The following BANP variants were observed in gnomAD, a reference collection of about 807,000 sequenced individuals.
BANP encodes the protein BTG3 associated nuclear protein, also known as protein BANP.
BANP carries 11 observed loss-of-function variants against 68.1 expected under a neutral mutation model. The ratio of observed to expected loss-of-function variants is 0.16; its 90% CI spans 0.10 to 0.27. The LOEUF (loss-of-function observed/expected upper bound fraction) is 0.27, where lower values mean the gene tolerates loss of function less well. Among genes scored for constraint, BANP ranks in the 10% least tolerant of loss-of-function variants. The pLI, the probability that BANP is intolerant of heterozygous loss-of-function variation, is 1.00. For synonymous variants in BANP, 329 were observed against 303.2 expected, an observed-to-expected ratio of 1.09 and a Z score of -0.88; for missense variants, 504 against 722.7, an observed-to-expected ratio of 0.70 and a Z score of 3.47.
In BANP at chr16:88,036,531, G is replaced by A. The variant is rs192650163; in HGVS notation, c.1272+1137G>A. 1.3e-5 allele frequency among the ~76,000 whole-genome samples: 2 copies of A among 152,266 alleles called. No homozygotes were observed. Among genetic ancestry groups the A allele is most frequent in the African/African-American group, 2.4e-5 (1 of 41,550 alleles). ...CACGTGGAGCACCAGGGACTCGGGC[G>A]TGTCTGCTGGCAGTGGCTTTAATTT... On this transcript the variant is annotated intron_variant, in intron 10 of 13. Coordinates refer to ENST00000682872, the MANE Select transcript of BANP (RefSeq NM_001386991.1). This position sits in a 1 kb window ranked among gnomAD's most constrained non-coding sequence, Gnocchi z 4.2.
At chr16:87,965,022 G>A (rs559423586) in intron 1 of BANP, among the ~76,000 whole-genome samples, 134 of 152,282 alleles carry the variant, frequency 8.8e-4, no homozygotes, top group African/African-American at 3.1e-3. Context: ...GGTGATAGGC[G>A]CCATTGGCGT....
chr16:88,065,400 C>A, intron 12 of BANP, 68 bp downstream of exon 12: 1 of 689,780 alleles, frequency 1.4e-6, no homozygotes, highest in South Asian at 1.6e-5. Context: ...TTTTAAAGAC[C>A]CCCGCGATGA....
At chr16:88,047,649 G>C (rs572139339) in intron 11 of BANP, among the ~76,000 whole-genome samples, 1 of 152,302 alleles carries the variant, frequency 6.6e-6, no homozygotes, top group African/African-American at 2.4e-5. Flanking sequence ...GGAGTCTGAT[G>C]TTCTTAGTGG....
chr16:88,047,514 T>C (rs891744402), intron 11 of BANP, among the ~76,000 whole-genome samples: 11 of 152,148 alleles, frequency 7.2e-5, no homozygotes, highest in African/African-American at 2.4e-4. Flanking sequence ...TCAGCCCTCA[T>C]TGGAGCTCAA....
At chr16:87,983,243 A>G (rs905675189) in intron 3 of BANP, among the ~76,000 whole-genome samples, 2 of 151,922 alleles carry the variant, frequency 1.3e-5, no homozygotes, top group Non-Finnish European at 2.9e-5. Context: ...CGCTCCCCCA[A>G]CCTGTCCCTC....
rs116315925 is a variant in BANP, at chr16:88,045,986, G to A, written c.1311+7975G>A. Reference sequence around the variant, plus strand: ...GCCCACCTGGCACTCACCAGCCTCCGGGCTGCCCTTGGCAGGTGCCGTCCA... The same window carrying A: ...GCCCACCTGGCACTCACCAGCCTCCAGGCTGCCCTTGGCAGGTGCCGTCCA... On this transcript the variant is annotated intron_variant, in intron 11 of 13. Transcript: ENST00000682872. 3.3e-3 allele frequency among the ~76,000 whole-genome samples: 502 copies of A among 152,324 alleles called. 4 individuals carry two copies. The highest frequency in any genetic ancestry group is 0.012 in the African/African-American group (479 of 41,576).
At chr16:87,983,887 G>T (rs370443838) in intron 3 of BANP, among the ~76,000 whole-genome samples, 173 bp from the exon 4 acceptor site, 3 of 152,282 alleles carry the variant, frequency 2.0e-5, no homozygotes, top group African/African-American at 7.2e-5. Flanking sequence ...GTAAAATGTG[G>T]ACGTGTTACT....
chr16:87,975,395 C>A (rs1414530976), intron 2 of BANP, among the ~76,000 whole-genome samples: 1 of 152,210 alleles, frequency 6.6e-6, no homozygotes, highest in Non-Finnish European at 1.5e-5. Flanking sequence ...GGAGGGGGCC[C>A]CTGTGACACT....
At chr16:87,998,004 C>T (rs564239859) in intron 4 of BANP, among the ~76,000 whole-genome samples, 2 of 152,282 alleles carry the variant, frequency 1.3e-5, no homozygotes, top group African/African-American at 4.8e-5. Context: ...GCATCCTGCT[C>T]GGTGGATTCT....
At chr16:87,995,511 G>T (rs190893137) in intron 4 of BANP, among the ~76,000 whole-genome samples, 1 of 152,288 alleles carries the variant, frequency 6.6e-6, no homozygotes, top group Admixed American at 6.5e-5. Flanking sequence ...CCTGGCTGTT[G>T]TTGAAATACT....
At chr16:88,028,504 C>G (rs1256496429) in intron 8 of BANP, among the ~76,000 whole-genome samples, 5 of 152,144 alleles carry the variant, frequency 3.3e-5, no homozygotes, top group Admixed American at 6.5e-5. Context: ...CAGCTGCTGC[C>G]CAGGGGCTTG....
At chr16:88,024,025 C>A (rs192296875) in intron 7 of BANP, among the ~76,000 whole-genome samples, 18 of 151,768 alleles carry the variant, frequency 1.2e-4, no homozygotes, top group African/African-American at 3.9e-4. Flanking sequence ...AGCCGGATGC[C>A]GAGCACTTCT....
chr16:87,966,864 G>C (rs2060111390), intron 1 of BANP: 2 of 152,486 alleles, frequency 1.3e-5, no homozygotes, highest in South Asian at 4.1e-4. Context: ...ATTTTCCTTT[G>C]CTTTGAGGAA....
chr16:88,072,247 G>C (rs2090528077), intron 13 of BANP, 35 bp downstream of exon 13: 1 of 1,577,938 alleles, frequency 6.3e-7, no homozygotes, highest in South Asian at 1.1e-5. Context: ...ACACTGAAGT[G>C]ATGGCATGGC....
At chr16:88,045,376 C>T (rs973577820) in intron 11 of BANP, among the ~76,000 whole-genome samples, 2 of 152,214 alleles carry the variant, frequency 1.3e-5, no homozygotes, top group African/African-American at 4.8e-5. Flanking sequence ...CGTGCGTGCA[C>T]TTGAGCGTTT....
At chr16:88,024,346 A>T (rs1266820318) in intron 7 of BANP, among the ~76,000 whole-genome samples, 2 of 152,220 alleles carry the variant, frequency 1.3e-5, no homozygotes, top group Non-Finnish European at 2.9e-5. Flanking sequence ...TTTTGCCTCA[A>T]AACCAAAGTG....
At chr16:87,984,027 C>A in intron 3 of BANP, 33 bp from the exon 4 acceptor site, 1 of 1,609,860 alleles carries the variant, frequency 6.2e-7, no homozygotes. Flanking sequence ...GTTCAGGAGA[C>A]CCTTCCTAAA....
chr16:88,006,080 T>TC lies in BANP; in HGVS notation c.480-7dup, dbSNP rs766129739. 1.2e-6 allele frequency: 2 copies of TC among 1,613,626 alleles called. No homozygotes were observed. Among genetic ancestry groups the TC allele is most frequent in the East Asian group, 2.2e-5 (1 of 44,862 alleles). ...CCACATCGGGCTGGTGTGTTTTTTT[T>TC]CCCGTTTAGCGCTGTGCCTGGGCGT... On this transcript the variant is annotated splice_polypyrimidine_tract_variant and intron_variant, in intron 5 of 13. Transcript: ENST00000682872.
chr16:88,023,496 G>A (rs1472361168), intron 7 of BANP, among the ~76,000 whole-genome samples: 3 of 151,498 alleles, frequency 2.0e-5, no homozygotes, highest in East Asian at 1.9e-4. Context: ...GCGCTGTCAC[G>A]TCGAGTCTGT....
Sources: gnomAD v4.1 joint callset for allele counts (sites outside exome capture counted in the v4.1 genomes callset) on GRCh38, gnomAD v4.1.1 for gene constraint, Gnocchi (gnomAD v3.1) non-coding constraint, MANE v1.5 for transcripts, NCBI Gene and HGNC (gene_info 2026-07-23, HGNC 2026-07-21) for gene names.